The following SBF2 variants were observed in gnomAD, a reference collection of about 807,000 sequenced individuals.
SBF2 encodes the protein SET binding factor 2, also known as myotubularin-related protein 13.
In SBF2, 112 loss-of-function variants were observed where a neutral mutation model predicts 225.2. The observed-to-expected ratio is 0.50, with a 90% confidence interval of 0.43 to 0.58. The LOEUF (loss-of-function observed/expected upper bound fraction) is 0.58. Ranked by LOEUF, SBF2 falls within the 20% of genes least tolerant of loss-of-function variation. SBF2 has a pLI of 0.00. For missense variants in SBF2, 1,996 were observed against 2,206.2 expected, an observed-to-expected ratio of 0.90 and a Z score of 1.91; for synonymous variants, 763 against 773.3, an observed-to-expected ratio of 0.99 and a Z score of 0.22.
chr11:10,072,504 G>C lies in SBF2; in HGVS notation c.142-29523C>G, dbSNP rs530536620. 3.9e-3 allele frequency among the ~76,000 whole-genome samples: 600 copies of C among 151,910 alleles called. 3 individuals carry two copies. Among genetic ancestry groups the C allele is most frequent in the Middle Eastern group, 6.8e-3 (2 of 294 alleles). ...TTTTTTCAATTAAAATTGACAAATAGTAATAATTCTTTGATTTTTAAGAAT... is the reference window on the plus strand; with the variant it reads ...TTTTTTCAATTAAAATTGACAAATACTAATAATTCTTTGATTTTTAAGAAT... On this transcript the variant is annotated intron_variant, in intron 2 of 39. Coordinates refer to ENST00000256190, the MANE Select transcript of SBF2 (RefSeq NM_030962.4).
At chr11:9,937,858 C>T (rs1387910668) in intron 16 of SBF2, among the ~76,000 whole-genome samples, 1 of 151,934 alleles carries the variant, frequency 6.6e-6, no homozygotes, top group African/African-American at 2.4e-5. Context: ...ACTTCACTCA[C>T]AATATCAGTA....
At position 10,063,858 on chromosome 11, in the gene SBF2, C is replaced by CACACACACACAGAGAG. The variant is rs373423157; in HGVS notation, c.142-20878_142-20877insCTCTCTGTGTGTGTGT. On this transcript the variant is annotated intron_variant, in intron 2 of 39. Coordinates refer to ENST00000256190, the MANE Select transcript of SBF2 (RefSeq NM_030962.4). ...ACACACACACACACACACACACACA[C>CACACACACACAGAGAG]AGAGAGAGAGAGAGAGAGAGAGAAA... Among the ~76,000 whole-genome samples, 572 of 136,172 alleles carry CACACACACACAGAGAG rather than the reference C, an allele frequency of 4.2e-3. 2 individuals carry two copies. Among genetic ancestry groups the CACACACACACAGAGAG allele is most frequent in the Non-Finnish European group, 5.9e-3 (379 of 63,746 alleles). 89.3% of individuals were successfully genotyped at this position (136,172 alleles called of 152,430 possible). A position where few individuals can be genotyped will look rare whatever the true frequency, so the allele number is the denominator to read the frequency against.
chr11:9,893,697 C>A (rs1590355130), intron 17 of SBF2, among the ~76,000 whole-genome samples: 1 of 152,174 alleles, frequency 6.6e-6, no homozygotes, highest in East Asian at 1.9e-4. Context: ...TGCCAGCACT[C>A]CAGCAGGCAG....
intron 1 of SBF2, among the ~76,000 whole-genome samples, chr11:10,220,724 T>C (rs535906723): frequency 6.6e-6 from 1 of 152,328 alleles, no homozygotes; most frequent in East Asian, 1.9e-4. Flanking sequence ...TTGAATCATC[T>C]GGCTCCAGTT....
chr11:10,148,498 C>G (rs1052320741), intron 2 of SBF2, among the ~76,000 whole-genome samples: 1 of 137,778 alleles, frequency 7.3e-6, no homozygotes, highest in African/African-American at 2.5e-5. Flanking sequence ...CACTAAATAC[C>G]TATTTTTTTT....
intron 1 of SBF2, among the ~76,000 whole-genome samples, chr11:10,269,091 C>A (rs1335059367): frequency 6.6e-6 from 1 of 152,198 alleles, no homozygotes; most frequent in Non-Finnish European, 1.5e-5. Context: ...CATCTTTCTG[C>A]AAGGCATTTT....
At chr11:9,885,251 C>CAAAAAAAAAAAA (rs71453937) in intron 17 of SBF2, among the ~76,000 whole-genome samples, 1 of 38,280 alleles carries the variant, frequency 2.6e-5, no homozygotes. Flanking sequence ...ACTTTTCCTC[C>CAAAAAAAAAAAA]AAAAAAAAAA....
At position 9,874,613 on chromosome 11, in the gene SBF2, G is replaced by A. The variant is rs372147812; in HGVS notation, c.1930-16217C>T. ...TTTAAACTGTAACTGTTACTTCAGT[G>A]CCTACACTTTCTAAGGGTTTTATTT... is the stretch of plus-strand genomic sequence containing the variant. On this transcript the variant is annotated intron_variant, in intron 17 of 39. Coordinates refer to ENST00000256190, the MANE Select transcript of SBF2 (RefSeq NM_030962.4). Among the ~76,000 whole-genome samples the A allele has an allele frequency of 1.5e-3, 232 of 152,264 alleles. 1 individual carries two copies. Among genetic ancestry groups the A allele is most frequent in the African/African-American group, 5.3e-3 (220 of 41,558 alleles).
intron 13 of SBF2, among the ~76,000 whole-genome samples, chr11:9,984,913 C>T (rs1436697318): frequency 1.3e-5 from 2 of 152,174 alleles, no homozygotes; most frequent in African/African-American, 2.4e-5. Flanking sequence ...ACCACCACTA[C>T]AAGAACTGCT....
chr11:9,891,361 A>C (rs1025322359), intron 17 of SBF2, among the ~76,000 whole-genome samples: 1 of 152,206 alleles, frequency 6.6e-6, no homozygotes, highest in Non-Finnish European at 1.5e-5. Context: ...AATTTAATAA[A>C]CATAATCTTT....
intron 1 of SBF2, among the ~76,000 whole-genome samples, chr11:10,230,439 T>C (rs932530741): frequency 3.3e-5 from 5 of 152,366 alleles, no homozygotes; most frequent in East Asian, 1.9e-4. Context: ...GTTTTTGCAG[T>C]GGCTGGTACC....
intron 3 of SBF2, among the ~76,000 whole-genome samples, chr11:10,034,217 T>C (rs553044005): frequency 6.6e-6 from 1 of 152,344 alleles, no homozygotes; most frequent in South Asian, 2.1e-4. Flanking sequence ...TGCCCATTTG[T>C]AGATATCTTT....
intron 2 of SBF2, among the ~76,000 whole-genome samples, chr11:10,085,890 AAG>A (rs1451645328): frequency 2.0e-4 from 30 of 151,902 alleles, no homozygotes; most frequent in Non-Finnish European, 2.4e-4. Context: ...GTACACATGG[AAG>A]ACTCTTTCAC....
At chr11:10,182,920 G>A (rs12291253) in intron 2 of SBF2, among the ~76,000 whole-genome samples, 14,479 of 151,772 alleles carry the variant, frequency 0.095, 946 homozygotes, top group East Asian at 0.29. Context: ...ACTATAGCAC[G>A]CGCCACCACG....
At chr11:9,921,429 T>G (rs1863624942) in intron 16 of SBF2, among the ~76,000 whole-genome samples, 1 of 152,162 alleles carries the variant, frequency 6.6e-6, no homozygotes, top group African/African-American at 2.4e-5. Flanking sequence ...AATCAGAAAC[T>G]CTGGGTGTGG....
At chr11:9,934,682 A>G (rs968447916) in intron 16 of SBF2, among the ~76,000 whole-genome samples, 4 of 152,232 alleles carry the variant, frequency 2.6e-5, no homozygotes, top group Admixed American at 1.3e-4. Flanking sequence ...AATCTATCAC[A>G]TAAACAGAAC....
chr11:10,058,713 A>C (rs1169561920), intron 2 of SBF2, among the ~76,000 whole-genome samples: 1 of 152,124 alleles, frequency 6.6e-6, no homozygotes, highest in Non-Finnish European at 1.5e-5. Context: ...ACACATAATC[A>C]TCAGATTTTC....
intron 13 of SBF2, among the ~76,000 whole-genome samples, chr11:9,975,200 A>C (rs1398410022): frequency 6.6e-6 from 1 of 152,118 alleles, no homozygotes; most frequent in Non-Finnish European, 1.5e-5. Flanking sequence ...ATATTTATAC[A>C]AAAACTTATG....
chr11:10,139,709 T>A (rs1001011466), intron 2 of SBF2, among the ~76,000 whole-genome samples: 1 of 152,246 alleles, frequency 6.6e-6, no homozygotes, highest in African/African-American at 2.4e-5. Context: ...AAGGATGGTG[T>A]TAAGTAATTG....
Sources: allele counts gnomAD v4.1 joint callset (sites outside exome capture counted in the v4.1 genomes callset), GRCh38; gene constraint gnomAD v4.1.1; transcripts MANE v1.5; gene names NCBI Gene and HGNC (gene_info 2026-07-23, HGNC 2026-07-21).